NRXN1: variants seen among roughly 807,000 people sequenced by gnomAD.
NRXN1 encodes neurexin 1, also known as neurexin-1.
NRXN1 carries 39 observed loss-of-function variants against 150.9 expected under a neutral mutation model. The observed-to-expected ratio is 0.26, with a 90% CI of 0.20 to 0.34. NRXN1 has a LOEUF of 0.34. Ranked by LOEUF, NRXN1 falls within the 10% of genes least tolerant of loss-of-function variation. NRXN1 has a pLI of 1.00. For missense variants in NRXN1, 1,815 were observed against 1,949.9 expected, an observed-to-expected ratio of 0.93 and a Z score of 1.30; for synonymous variants, 924 against 757.0, an observed-to-expected ratio of 1.22 and a Z score of -3.62.
intron 18 of NRXN1, among the ~76,000 whole-genome samples, chr2:50,123,728 C>G (rs1174984916): frequency 6.6e-6 from 1 of 152,016 alleles, no homozygotes; most frequent in Non-Finnish European, 1.5e-5. Flanking sequence ...ATGAGATTTA[C>G]TGATAGATTG....
chr2:50,912,783 A>AG (rs1314417425), intron 5 of NRXN1: 1 of 104,102 alleles, frequency 9.6e-6, no homozygotes, highest in East Asian at 7.8e-4. Flanking sequence ...ACAAAAAAAA[A>AG]AAAGAAAAAA....
At chr2:50,713,130 T>C (rs1695398873) in intron 5 of NRXN1, among the ~76,000 whole-genome samples, 2 of 151,952 alleles carry the variant, frequency 1.3e-5, no homozygotes, top group Non-Finnish European at 2.9e-5. Context: ...CTGGTCAAAA[T>C]GACAAAACCC....
At chr2:49,923,471 A>ATGAT (rs1413833465) in intron 22 of NRXN1, among the ~76,000 whole-genome samples, 2 of 152,300 alleles carry the variant, frequency 1.3e-5, no homozygotes, top group South Asian at 4.1e-4. Flanking sequence ...AAATAATCTC[A>ATGAT]TGATTCCATA....
chr2:50,689,942 A>G lies in NRXN1; in HGVS notation c.833-66327T>C, dbSNP rs1691835192. Among the ~76,000 whole-genome samples the G allele has an allele frequency of 2.0e-5, 3 of 148,840 alleles. No individual in the cohort carries two copies. The South Asian group carries it at 6.4e-4, about 32-fold the overall frequency. ...GCTCTTGTCACCCAGGCTGCAGTGCAATGGTGCGATCTCGGCTCACTGCAA... is the reference window on the plus strand; with the variant it reads ...GCTCTTGTCACCCAGGCTGCAGTGCGATGGTGCGATCTCGGCTCACTGCAA... On this transcript the variant is annotated intron_variant, in intron 5 of 22. Transcript: ENST00000401669.
At chr2:50,399,026 G>A (rs910699802) in intron 17 of NRXN1, among the ~76,000 whole-genome samples, 1 of 152,130 alleles carries the variant, frequency 6.6e-6, no homozygotes, top group African/African-American at 2.4e-5. Flanking sequence ...CTATTTTCAG[G>A]ACTGATTGGA....
chr2:50,432,141 C>G (rs908922359), intron 17 of NRXN1: 1 of 152,172 alleles, frequency 6.6e-6, no homozygotes, highest in Non-Finnish European at 1.5e-5. Context: ...CACACCCAGG[C>G]TCATTTTCTA....
chr2:50,952,624 T>A (rs1370335181), intron 2 of NRXN1, among the ~76,000 whole-genome samples: 2 of 152,246 alleles, frequency 1.3e-5, no homozygotes, highest in East Asian at 3.9e-4. Context: ...AGAAAATAAA[T>A]AAAAATGAAC....
chr2:50,415,323 C>G (rs1397757643), intron 17 of NRXN1, among the ~76,000 whole-genome samples: 1 of 152,020 alleles, frequency 6.6e-6, no homozygotes, highest in African/African-American at 2.4e-5. Context: ...CTTTAGCAAC[C>G]AGACACCAGA....
intron 2 of NRXN1, among the ~76,000 whole-genome samples, chr2:50,950,882 A>C (rs1449616661): frequency 1.3e-5 from 2 of 152,210 alleles, no homozygotes; most frequent in Admixed American, 1.3e-4. Context: ...AGTCTCAGAA[A>C]TATTAAATAA....
At chr2:50,205,397 G>T (rs1277452122) in intron 18 of NRXN1, among the ~76,000 whole-genome samples, 1 of 151,852 alleles carries the variant, frequency 6.6e-6, no homozygotes, top group Non-Finnish European at 1.5e-5. Context: ...TTGCATCTGA[G>T]AAAAAAATAC....
chr2:50,781,388 C>T (rs1432817184), intron 5 of NRXN1, among the ~76,000 whole-genome samples: 2 of 150,918 alleles, frequency 1.3e-5, no homozygotes, highest in Non-Finnish European at 2.9e-5. Flanking sequence ...AAAAAAAGGA[C>T]GTCAATGTCT....
chr2:50,515,606 T>G (rs897900969), intron 12 of NRXN1, among the ~76,000 whole-genome samples: 1 of 137,134 alleles, frequency 7.3e-6, no homozygotes, highest in African/African-American at 3.0e-5. Flanking sequence ...TTGGGGTGTG[T>G]GTGTGTGTGT....
intron 22 of NRXN1, among the ~76,000 whole-genome samples, chr2:49,925,433 A>T (rs936300789): frequency 2.6e-5 from 4 of 152,158 alleles, no homozygotes; most frequent in African/African-American, 9.6e-5. Context: ...TTTGATGATC[A>T]CTGAGAAATC....
chr2:51,025,900 T>C lies in NRXN1; in HGVS notation c.772+1602A>G, dbSNP rs533069652. ...TTCTATAATTACCTAAGCCAAAATA[T>C]AATGAAAAACAAAAACCCACATGAA... On this transcript the variant is annotated intron_variant, in intron 2 of 22. Transcript: ENST00000401669. Among the ~76,000 whole-genome samples, 16 of 152,280 alleles carry C rather than the reference T, an allele frequency of 1.1e-4. No individual in the cohort carries two copies. The South Asian group carries it at 1.4e-3, about 14-fold the overall frequency.
At chr2:50,838,296 C>A (rs938386503) in intron 5 of NRXN1, among the ~76,000 whole-genome samples, 2 of 151,820 alleles carry the variant, frequency 1.3e-5, no homozygotes, top group South Asian at 2.1e-4. Context: ...AAGCTCATTG[C>A]GTGTGGATGA....
At chr2:50,320,638 G>C (rs954554070) in intron 17 of NRXN1, among the ~76,000 whole-genome samples, 5 of 151,784 alleles carry the variant, frequency 3.3e-5, no homozygotes, top group African/African-American at 1.2e-4. Context: ...TGAATGGACA[G>C]GAGCTAAAAA....
At chr2:50,250,786 AT>A (rs2066964278) in intron 17 of NRXN1, among the ~76,000 whole-genome samples, 1 of 151,808 alleles carries the variant, frequency 6.6e-6, no homozygotes, top group African/African-American at 2.4e-5. Context: ...ATCATTTCTC[AT>A]TTTTTCAAAA....
At chr2:50,474,260 C>T (rs10168312) in intron 15 of NRXN1, among the ~76,000 whole-genome samples, 10,064 of 151,718 alleles carry the variant, frequency 0.066, 1,151 homozygotes, top group African/African-American at 0.23. Flanking sequence ...ATCAAAGATA[C>T]AAAATTAGCT....
chr2:50,257,993 T>C (rs1398268377), intron 17 of NRXN1, among the ~76,000 whole-genome samples: 5 of 152,020 alleles, frequency 3.3e-5, no homozygotes, highest in Admixed American at 2.6e-4. Context: ...ACAATGTATA[T>C]AACTTAATTA....
Sources: gnomAD v4.1 joint callset for allele counts (sites outside exome capture counted in the v4.1 genomes callset) on GRCh38, gnomAD v4.1.1 for gene constraint, MANE v1.5 for transcripts, NCBI Gene and HGNC (gene_info 2026-07-23, HGNC 2026-07-21) for gene names.